PCDHGB5: variants seen among roughly 807,000 people sequenced by gnomAD.
PCDHGB5 encodes protocadherin gamma-B5.
PCDHGB5 carries 48 observed loss-of-function variants against 62.9 expected under a neutral mutation model. The ratio of observed to expected loss-of-function variants is 0.76; its 90% CI spans 0.61 to 0.97. The LOEUF (loss-of-function observed/expected upper bound fraction) is 0.97, where lower values mean the gene tolerates loss of function less well. Ranked by LOEUF, PCDHGB5 falls within the 50% of genes least tolerant of loss-of-function variation. PCDHGB5 has a pLI of 0.00. For missense variants in PCDHGB5, 1,118 were observed against 1,198.6 expected (o/e 0.93, Z 0.99); for synonymous variants, 474 against 511.2 (o/e 0.93, Z 0.98).
At chr5:141,423,882 C>T in intron 1 of PCDHGB5, 3 of 1,282,372 alleles carry the variant, frequency 2.3e-6, no homozygotes, top group Non-Finnish European at 3.0e-6. Context: ...TCAATCTTGG[C>T]ATATTTTCTT....
chr5:141,413,224 C>G, intron 1 of PCDHGB5: 1 of 1,613,790 alleles, frequency 6.2e-7, no homozygotes, highest in Non-Finnish European at 8.5e-7. Context: ...TTGCAGCGGG[C>G]TGGTCCTGCT....
chr5:141,423,544 C>G, intron 1 of PCDHGB5: 1 of 1,613,744 alleles, frequency 6.2e-7, no homozygotes, highest in African/African-American at 1.3e-5. Flanking sequence ...GATTTTCCCC[C>G]AGCCCAACTA....
chr5:141,436,519 C>A (rs770168763), intron 1 of PCDHGB5, among the ~76,000 whole-genome samples: 2 of 152,140 alleles, frequency 1.3e-5, no homozygotes, highest in African/African-American at 2.4e-5. Context: ...TTAACTGTGT[C>A]ACCTTTAGCA....
chr5:141,507,251 A>G (rs958917337), intron 3 of PCDHGB5: 3 of 152,400 alleles, frequency 2.0e-5, no homozygotes, highest in Non-Finnish European at 4.4e-5. Context: ...TGAATGTCAG[A>G]TAAACAGCAA....
chr5:141,502,884 A>T (rs2099816871), intron 2 of PCDHGB5, among the ~76,000 whole-genome samples: 1 of 36,804 alleles, frequency 2.7e-5, no homozygotes, highest in African/African-American at 3.5e-4. Context: ...TTTTTTTGAC[A>T]GGGAGTCTAG....
chr5:141,431,222 C>T lies in PCDHGB5; in HGVS notation c.2397+30698C>T. On this transcript the variant is annotated intron_variant, in intron 1 of 3. Transcript: ENST00000617380. The surrounding 1 kb of genome is among the most constrained non-coding windows in gnomAD (Gnocchi z 4.8). ...AGCCACTGAGATGCGGTTCCCTCTA[C>T]CCCACGCCTGGGATCCGGATATCGG... The T allele has an allele frequency of 6.2e-7, 1 of 1,614,170 alleles. No individual in the cohort carries two copies. Among genetic ancestry groups the T allele is most frequent in the South Asian group, 1.1e-5 (1 of 91,090 alleles).
Position 141,399,597 on chromosome 5 carries a change from C to A in PCDHGB5, c.1470C>A (p.Ser490Arg). 1.9e-6 allele frequency: 3 copies of A among 1,613,958 alleles called. No individual in the cohort carries two copies. Among genetic ancestry groups the A allele is most frequent in the Non-Finnish European group, 2.5e-6 (3 of 1,179,890 alleles). The change falls in exon 1 of 4, where the codon AGC becomes AGA. Residue 490 changes from serine to arginine, a missense_variant. By Grantham distance (110) the Ser-to-Arg change is moderately radical. Coordinates refer to ENST00000617380, the MANE Select transcript of PCDHGB5 (RefSeq NM_018925.3). ...NGQVSYSIMA[S>R]DLEPLALASY... ...AAGTCTCCTACTCTATCATGGCCAG[C>A]GACCTAGAGCCTCTGGCACTGGCCT...
intron 1 of PCDHGB5, chr5:141,423,522 G>A: frequency 6.2e-7 from 1 of 1,613,850 alleles, no homozygotes; most frequent in South Asian, 1.1e-5. Context: ...CGGACTCGCA[G>A]AAGAGTCACC....
intron 1 of PCDHGB5, among the ~76,000 whole-genome samples, chr5:141,459,757 G>T (rs1360124889): frequency 6.6e-6 from 1 of 152,162 alleles, no homozygotes; most frequent in Admixed American, 6.6e-5. Flanking sequence ...ATTCTAGTGG[G>T]TGTGTGATAC....
At chr5:141,442,947 C>T (rs185574624) in intron 1 of PCDHGB5, among the ~76,000 whole-genome samples, 92 of 152,282 alleles carry the variant, frequency 6.0e-4, no homozygotes, top group African/African-American at 1.7e-3. Flanking sequence ...AACTTCCTCT[C>T]ACTGCAAAAA....
At chr5:141,480,698 C>T (rs1394538159) in intron 1 of PCDHGB5, among the ~76,000 whole-genome samples, 1 of 152,198 alleles carries the variant, frequency 6.6e-6, no homozygotes, top group Admixed American at 6.5e-5. Context: ...ACCCAGGCCA[C>T]ACCCCGACAA....
At chr5:141,438,957 CACCCTGCCA>C (rs1022731551) in intron 1 of PCDHGB5, among the ~76,000 whole-genome samples, 2 of 152,144 alleles carry the variant, frequency 1.3e-5, no homozygotes, top group East Asian at 3.9e-4. Flanking sequence ...TGAGCCACCG[CACCCTGCCA>C]ACTGTCTGAC....
chr5:141,431,609 G>A lies in PCDHGB5; in HGVS notation c.2397+31085G>A. The A allele has an allele frequency of 6.2e-7, 1 of 1,614,232 alleles. No homozygotes were observed. The highest frequency in any genetic ancestry group is 8.5e-7 in the Non-Finnish European group (1 of 1,180,046). On this transcript the variant is annotated intron_variant, in intron 1 of 3. Coordinates refer to ENST00000617380, the MANE Select transcript of PCDHGB5 (RefSeq NM_018925.3). The surrounding 1 kb of genome is among the most constrained non-coding windows in gnomAD (Gnocchi z 4.8). ...GGAAGTGAGGTATTCCTTCCGGTAT[G>A]TGGACGACAAGGCGGCCCAAGTTTT...
chr5:141,423,494 A>C lies in PCDHGB5; in HGVS notation c.2397+22970A>C, dbSNP rs753859784. ...CAGGCTTTCCTGCAAACCTATTCCCACGAGGTCTCTCTCATTGCGGACTCG... is the reference window on the plus strand; with the variant it reads ...CAGGCTTTCCTGCAAACCTATTCCCCCGAGGTCTCTCTCATTGCGGACTCG... On this transcript the variant is annotated intron_variant, in intron 1 of 3. Transcript: ENST00000617380. The C allele has an allele frequency of 3.8e-5, 61 of 1,613,842 alleles. No individual in the cohort carries two copies. The highest frequency in any genetic ancestry group is 5.9e-6 in the Non-Finnish European group (7 of 1,179,940).
At chr5:141,427,637 C>T (rs771573587) in intron 1 of PCDHGB5, 5 of 707,806 alleles carry the variant, frequency 7.1e-6, no homozygotes, top group Non-Finnish European at 1.3e-5. Context: ...CGGTTTTCCA[C>T]CAAGTCTCCT....
At chr5:141,414,266 C>T in intron 1 of PCDHGB5, 1 of 1,613,254 alleles carries the variant, frequency 6.2e-7, no homozygotes, top group Non-Finnish European at 8.5e-7. Context: ...ACTGAAGATT[C>T]ACCTCTGGGA....
intron 1 of PCDHGB5, among the ~76,000 whole-genome samples, chr5:141,447,375 T>C (rs1431576261): frequency 6.6e-6 from 1 of 152,030 alleles, no homozygotes; most frequent in African/African-American, 2.4e-5. Context: ...CTGACCCTGG[T>C]GATCTGCCCA....
At chr5:141,408,373 T>C in intron 1 of PCDHGB5, 1 of 1,613,952 alleles carries the variant, frequency 6.2e-7, no homozygotes, top group Non-Finnish European at 8.5e-7. Flanking sequence ...TAGGGCTCAG[T>C]GTCCTGGATG....
chr5:141,409,087 T>C (rs753624565), intron 1 of PCDHGB5: 1 of 1,613,990 alleles, frequency 6.2e-7, no homozygotes, highest in Admixed American at 1.7e-5. Flanking sequence ...TCTCATTGGA[T>C]GAGAAAACAG....
Sources: allele counts gnomAD v4.1 joint callset (sites outside exome capture counted in the v4.1 genomes callset), GRCh38; gene constraint gnomAD v4.1.1; non-coding constraint Gnocchi (gnomAD v3.1); transcripts MANE v1.5; gene names NCBI Gene and HGNC (gene_info 2026-07-23, HGNC 2026-07-21).